Variants in CADPS observed in about 807,000 individuals in gnomAD.
The protein encoded by CADPS is calcium dependent secretion activator, also known as calcium-dependent secretion activator 1.
In CADPS, 57 loss-of-function variants were observed where a neutral mutation model predicts 167.3. The observed-to-expected ratio is 0.34, with a 90% confidence interval of 0.28 to 0.42. The LOEUF (loss-of-function observed/expected upper bound fraction) is 0.42. CADPS is among the 20% of genes least tolerant of loss of function. The pLI, the probability that CADPS is intolerant of heterozygous loss-of-function variation, is 1.00. For synonymous variants in CADPS, 676 were observed against 635.3 expected, an observed-to-expected ratio of 1.06 and a Z score of -0.96; for missense variants, 1,414 against 1,738.1, an observed-to-expected ratio of 0.81 and a Z score of 3.32.
Position 62,551,178 on chromosome 3 carries a change from G to C in CADPS, c.1754-1063C>G, listed in dbSNP as rs140986702. On this transcript the variant is annotated intron_variant, in intron 10 of 29. Transcript: ENST00000383710. ...GACTTTTCCCCAGGGATATCTGATAGACATCCCAAGCTTGTGAAACCCAAC... is the reference window on the plus strand; with the variant it reads ...GACTTTTCCCCAGGGATATCTGATACACATCCCAAGCTTGTGAAACCCAAC... Among the ~76,000 whole-genome samples, 6 of 152,242 alleles carry C rather than the reference G, an allele frequency of 3.9e-5. No homozygotes were observed. In the East Asian group the frequency reaches 1.2e-3, roughly 29 times the overall value.
chr3:62,641,539 T>G (rs574256180), intron 6 of CADPS, among the ~76,000 whole-genome samples: 1 of 152,322 alleles, frequency 6.6e-6, no homozygotes, highest in South Asian at 2.1e-4. Context: ...AAGCATTTCC[T>G]TCTCCATCTC....
At chr3:62,442,914 A>C (rs1354667167) in intron 27 of CADPS, among the ~76,000 whole-genome samples, 14 of 152,210 alleles carry the variant, frequency 9.2e-5, no homozygotes, top group Non-Finnish European at 1.8e-4. Context: ...AACAATGTAC[A>C]TATAGAATAT....
intron 3 of CADPS, among the ~76,000 whole-genome samples, chr3:62,693,333 G>C (rs2079568094): frequency 6.6e-6 from 1 of 151,924 alleles, no homozygotes; most frequent in South Asian, 2.1e-4. Flanking sequence ...TCTCACCCTG[G>C]ATTGTAAGCT....
At chr3:62,597,776 G>A (rs954598908) in intron 6 of CADPS, among the ~76,000 whole-genome samples, 1 of 152,124 alleles carries the variant, frequency 6.6e-6, no homozygotes, top group Non-Finnish European at 1.5e-5. Context: ...GCCTGCAGCT[G>A]TGCTTCCCAC....
At chr3:62,607,561 G>T (rs567361677) in intron 6 of CADPS, among the ~76,000 whole-genome samples, 1 of 152,336 alleles carries the variant, frequency 6.6e-6, no homozygotes, top group African/African-American at 2.4e-5. Context: ...CCCAAATTGT[G>T]GTGGGTACAC....
At chr3:62,797,667 G>A (rs565606874) in intron 1 of CADPS, among the ~76,000 whole-genome samples, 111 of 152,070 alleles carry the variant, frequency 7.3e-4, no homozygotes, top group African/African-American at 2.6e-3. Context: ...CCTGTTGGAG[G>A]GTGAAAGGTG....
chr3:62,634,547 A>G lies in CADPS; in HGVS notation c.1325+11175T>C, dbSNP rs1302083100. On this transcript the variant is annotated intron_variant, in intron 6 of 29. Transcript: ENST00000383710. Reference sequence around the variant, plus strand: ...CAGAATGATATGCATTGCTTGTATTACAGACATTGTCACATTGATTGGGTA... The same window carrying G: ...CAGAATGATATGCATTGCTTGTATTGCAGACATTGTCACATTGATTGGGTA... Among the ~76,000 whole-genome samples, 6 of 152,340 alleles carry G rather than the reference A, an allele frequency of 3.9e-5. No individual in the cohort carries two copies. The East Asian group carries it at 1.2e-3, about 29-fold the overall frequency.
chr3:62,500,615 C>T (rs1052679581), intron 17 of CADPS: 1 of 152,074 alleles, frequency 6.6e-6, no homozygotes, highest in Non-Finnish European at 1.5e-5. Context: ...TAGAATTCCC[C>T]AAGTAGGTAC....
At chr3:62,752,935 A>C (rs1380220350) in intron 3 of CADPS, among the ~76,000 whole-genome samples, 3 of 152,248 alleles carry the variant, frequency 2.0e-5, no homozygotes, top group African/African-American at 7.2e-5. Context: ...GCAGAGCCTC[A>C]GCTCTCGCCA....
intron 3 of CADPS, among the ~76,000 whole-genome samples, chr3:62,731,804 G>GCAAAAAAAAAAAAAAAA (rs2077883848): frequency 1.1e-4 from 1 of 9,192 alleles, no homozygotes; most frequent in Non-Finnish European, 2.0e-4. Context: ...CTGATCATAT[G>GCAAAAAAAAAAAAAAAA]CAAAAAAAAA....
chr3:62,798,420 T>A (rs1004490447), intron 1 of CADPS, among the ~76,000 whole-genome samples: 1 of 152,158 alleles, frequency 6.6e-6, no homozygotes, highest in Non-Finnish European at 1.5e-5. Context: ...GCTTTTGGAC[T>A]CTTGGGCTTA....
At chr3:62,837,885 C>T (rs1424778213) in intron 1 of CADPS, among the ~76,000 whole-genome samples, 13 of 152,170 alleles carry the variant, frequency 8.5e-5, no homozygotes, top group Admixed American at 8.5e-4. Flanking sequence ...TACTGCCACA[C>T]AATGAGCCCT....
intron 28 of CADPS, among the ~76,000 whole-genome samples, chr3:62,426,970 G>A (rs989360811): frequency 1.3e-5 from 2 of 151,702 alleles, no homozygotes; most frequent in African/African-American, 4.9e-5. Flanking sequence ...AGCTACTAGG[G>A]AGGCTGAGGC....
Position 62,420,895 on chromosome 3 carries a change from CACACACAG to C in CADPS, c.3777+17201_3777+17208del, listed in dbSNP as rs1342983364. 5.8e-3 allele frequency among the ~76,000 whole-genome samples: 715 copies of C among 124,216 alleles called. 7 individuals carry two copies. The highest frequency in any genetic ancestry group is 0.025 in the African/African-American group (645 of 26,238). 81.5% of individuals were successfully genotyped at this position (124,216 alleles called of 152,430 possible). On this transcript the variant is annotated intron_variant, in intron 28 of 29. Transcript: ENST00000383710. The surrounding 1 kb of genome is among the most constrained non-coding windows in gnomAD (Gnocchi z 4.1). ...ACACACACACACACACACACACACACACACACAGGCACACACACACACACTTGCCAGAT... is the reference window on the plus strand; with the variant it reads ...ACACACACACACACACACACACACACGCACACACACACACACTTGCCAGAT...
At chr3:62,659,590 T>C (rs905283732) in intron 4 of CADPS, among the ~76,000 whole-genome samples, 1 of 152,226 alleles carries the variant, frequency 6.6e-6, no homozygotes, top group South Asian at 2.1e-4. Flanking sequence ...TTTCCCTATA[T>C]GGAAGAAGTG....
chr3:62,843,046 G>T (rs762630033), intron 1 of CADPS, among the ~76,000 whole-genome samples: 1 of 150,024 alleles, frequency 6.7e-6, no homozygotes, highest in Non-Finnish European at 1.5e-5. Context: ...CAAATTTAGT[G>T]GCACTATCAA....
At chr3:62,612,747 G>A (rs923804393) in intron 6 of CADPS, among the ~76,000 whole-genome samples, 4 of 152,156 alleles carry the variant, frequency 2.6e-5, no homozygotes, top group African/African-American at 9.6e-5. Flanking sequence ...TGTCCTTGCT[G>A]TATCCTCTGA....
chr3:62,647,723 C>T (rs922768779), intron 5 of CADPS, among the ~76,000 whole-genome samples: 9 of 152,256 alleles, frequency 5.9e-5, no homozygotes, highest in African/African-American at 2.2e-4. Flanking sequence ...TGAAAGAGCA[C>T]AAATTTTGGA....
At chr3:62,815,024 C>T (rs923540113) in intron 1 of CADPS, among the ~76,000 whole-genome samples, 61 of 152,124 alleles carry the variant, frequency 4.0e-4, no homozygotes, top group African/African-American at 1.4e-3. Context: ...TGAAATTGTT[C>T]TGTCCTTTTT....
Sources: allele counts gnomAD v4.1 joint callset (sites outside exome capture counted in the v4.1 genomes callset), GRCh38; gene constraint gnomAD v4.1.1; non-coding constraint Gnocchi (gnomAD v3.1); transcripts MANE v1.5; gene names NCBI Gene and HGNC (gene_info 2026-07-23, HGNC 2026-07-21).